INPP4B: variants seen among roughly 807,000 people sequenced by gnomAD.
The protein encoded by INPP4B is inositol polyphosphate 4-phosphatase type II.
A neutral mutation model predicts 122.5 loss-of-function variants in INPP4B; 55 were observed. The ratio of observed to expected loss-of-function variants is 0.45; its 90% CI spans 0.36 to 0.56. The LOEUF is 0.56. Ranked by LOEUF, INPP4B falls within the 20% of genes least tolerant of loss-of-function variation. The probability of loss-of-function intolerance (pLI) is 0.00; values close to 1 mark genes in which losing one functional copy is unlikely to be tolerated. For synonymous variants in INPP4B, 403 were observed against 388.7 expected, an observed-to-expected ratio of 1.04 and a Z score of -0.43; for missense variants, 1,000 against 1,097.7, an observed-to-expected ratio of 0.91 and a Z score of 1.26.
chr4:142,513,451 A>AG (rs910565642), intron 2 of INPP4B, among the ~76,000 whole-genome samples: 2 of 151,032 alleles, frequency 1.3e-5, no homozygotes, highest in African/African-American at 4.9e-5. Flanking sequence ...CTTGTCCCCC[A>AG]GGCTGGAGTG....
intron 2 of INPP4B, among the ~76,000 whole-genome samples, chr4:142,611,665 A>G (rs147835565): frequency 0.012 from 938 of 76,136 alleles, 16 homozygotes; most frequent in Admixed American, 0.037. Context: ...TTTTTTTGAG[A>G]TGGAGTCTGG....
chr4:142,235,592 T>G (rs554576479), intron 12 of INPP4B, among the ~76,000 whole-genome samples: 1 of 152,126 alleles, frequency 6.6e-6, no homozygotes, highest in Non-Finnish European at 1.5e-5. Context: ...TGGATAATTT[T>G]GTTTTTGTAT....
At chr4:142,405,434 T>A in intron 5 of INPP4B, 110 bp from the exon 6 acceptor site, 1 of 685,546 alleles carries the variant, frequency 1.5e-6, no homozygotes. Context: ...GGAAATCTCC[T>A]GGGGCTCAGG....
chr4:142,441,201 C>A (rs1480361561), intron 3 of INPP4B, among the ~76,000 whole-genome samples: 1 of 151,982 alleles, frequency 6.6e-6, no homozygotes, highest in Non-Finnish European at 1.5e-5. Context: ...AAGGTGGTAG[C>A]TTGATAAGAA....
intron 25 of INPP4B, among the ~76,000 whole-genome samples, chr4:142,052,100 T>C (rs528262342): frequency 3.3e-5 from 5 of 152,112 alleles, no homozygotes; most frequent in Non-Finnish European, 7.4e-5. Flanking sequence ...AACACTCAGG[T>C]CTTTTTTGAT....
intron 3 of INPP4B, among the ~76,000 whole-genome samples, chr4:142,442,082 AT>A (rs1811847754): frequency 6.6e-6 from 1 of 151,994 alleles, no homozygotes; most frequent in African/African-American, 2.4e-5. Flanking sequence ...GTAGAAAAAG[AT>A]TTTTCAACCC....
chr4:142,276,807 A>G (rs567030905), intron 9 of INPP4B, among the ~76,000 whole-genome samples: 1 of 152,038 alleles, frequency 6.6e-6, no homozygotes, highest in African/African-American at 2.4e-5. Context: ...AATATGAGGA[A>G]TTATACAAAT....
intron 2 of INPP4B, among the ~76,000 whole-genome samples, chr4:142,624,978 AT>A (rs1745983713): frequency 6.6e-6 from 1 of 151,598 alleles, no homozygotes; most frequent in African/African-American, 2.4e-5. Context: ...GATGGGATGT[AT>A]CTCAAAATAA....
At chr4:142,220,286 T>C (rs1293013672) in intron 12 of INPP4B, among the ~76,000 whole-genome samples, 2 of 152,218 alleles carry the variant, frequency 1.3e-5, no homozygotes, top group Admixed American at 6.5e-5. Context: ...CTCATCTGAA[T>C]GTAACTTTCA....
At chr4:142,150,695 A>C (rs761272135) in intron 17 of INPP4B, among the ~76,000 whole-genome samples, 3 of 152,170 alleles carry the variant, frequency 2.0e-5, no homozygotes, top group African/African-American at 4.8e-5. Context: ...ACCCAATGGC[A>C]GTAGATGCAA....
chr4:142,591,401 C>T (rs756419253), intron 2 of INPP4B, among the ~76,000 whole-genome samples: 2 of 151,918 alleles, frequency 1.3e-5, no homozygotes, highest in Non-Finnish European at 2.9e-5. Context: ...ATAAATAGAG[C>T]AATAATAGAT....
intron 18 of INPP4B, among the ~76,000 whole-genome samples, chr4:142,132,044 G>T (rs1801568261): frequency 6.6e-6 from 1 of 151,714 alleles, no homozygotes; most frequent in Non-Finnish European, 1.5e-5. Context: ...GTTTCTCTGT[G>T]GGTGTGAACA....
intron 1 of INPP4B, among the ~76,000 whole-genome samples, chr4:142,833,260 T>A (rs1782387039): frequency 6.6e-6 from 1 of 152,098 alleles, no homozygotes; most frequent in Non-Finnish European, 1.5e-5. Flanking sequence ...GTGCTACACA[T>A]AATGCAGCAA....
At position 142,430,394 on chromosome 4, in the gene INPP4B, C is replaced by T. The variant is rs373489562; in HGVS notation, c.91+775G>A. Among the ~76,000 whole-genome samples, 68 of 151,908 alleles carry T rather than the reference C, an allele frequency of 4.5e-4. No homozygotes were observed. In the South Asian group the frequency reaches 0.013, roughly 28 times the overall value. On this transcript the variant is annotated intron_variant, in intron 4 of 25. Coordinates refer to ENST00000262992, the MANE Select transcript of INPP4B (RefSeq NM_001101669.3). The stretch of plus-strand genomic sequence containing the variant: ...CATTGACAATCAGATTTCTCAAAAA[C>T]GCATCCAACCAATACAATTTTCTAA...
Position 142,431,319 on chromosome 4 carries a change from G to T in INPP4B, c.-60C>A. 8.3e-7 allele frequency: 1 copy of T among 1,200,404 alleles called. No homozygotes were observed. The highest frequency in any genetic ancestry group is 1.2e-6 in the Non-Finnish European group (1 of 808,194). The allele number at this position is 1,200,404 out of a possible 1,614,324, so 74.4% of individuals were successfully genotyped here. On this transcript the variant is annotated 5_prime_UTR_variant, in exon 4 of 26. Coordinates refer to ENST00000262992, the MANE Select transcript of INPP4B (RefSeq NM_001101669.3). ...TTCTTGTCCAAATGTCAGTTCTAGT[G>T]ATTCCTGGTTTAATGTAGATGTATC... is the stretch of plus-strand genomic sequence containing the variant.
At chr4:142,114,091 T>C (rs1791674369) in intron 21 of INPP4B, among the ~76,000 whole-genome samples, 1 of 152,078 alleles carries the variant, frequency 6.6e-6, no homozygotes, top group Non-Finnish European at 1.5e-5. Flanking sequence ...CTGGCCTTTT[T>C]CACCTAGCAT....
At chr4:142,493,965 A>C (rs1034126682) in intron 2 of INPP4B, among the ~76,000 whole-genome samples, 1 of 152,192 alleles carries the variant, frequency 6.6e-6, no homozygotes, top group African/African-American at 2.4e-5. Context: ...GGTGAGAGAT[A>C]ATCGAATCAT....
intron 3 of INPP4B, among the ~76,000 whole-genome samples, chr4:142,449,197 A>G (rs995706552): frequency 4.6e-5 from 7 of 152,242 alleles, no homozygotes; most frequent in African/African-American, 1.7e-4. Context: ...TAACACTGCA[A>G]CTAGTTAGTG....
At chr4:142,765,139 C>A (rs1254321761) in intron 1 of INPP4B, among the ~76,000 whole-genome samples, 1 of 152,096 alleles carries the variant, frequency 6.6e-6, no homozygotes, top group Non-Finnish European at 1.5e-5. Context: ...TCATGGCATT[C>A]TGCAACAAAG....
Sources: gnomAD v4.1 joint callset for allele counts (sites outside exome capture counted in the v4.1 genomes callset) on GRCh38, gnomAD v4.1.1 for gene constraint, MANE v1.5 for transcripts, NCBI Gene and HGNC (gene_info 2026-07-23, HGNC 2026-07-21) for gene names.